Variants in SLC8A1 observed in about 807,000 individuals in gnomAD.
The protein encoded by SLC8A1 is solute carrier family 8 member A1.
SLC8A1 carries 18 observed loss-of-function variants against 68.3 expected under a neutral mutation model. The ratio of observed to expected loss-of-function variants is 0.26; its 90% CI spans 0.18 to 0.39. The LOEUF (loss-of-function observed/expected upper bound fraction) is 0.39. Among genes scored for constraint, SLC8A1 ranks in the 10% least tolerant of loss-of-function variants. The pLI is 1.00. For missense variants in SLC8A1, 985 were observed against 1,156.7 expected, an observed-to-expected ratio of 0.85 and a Z score of 2.15; for synonymous variants, 475 against 415.5, an observed-to-expected ratio of 1.14 and a Z score of -1.74.
chr2:40,460,606 G>T (rs1306167251), intron 1 of SLC8A1, among the ~76,000 whole-genome samples: 1 of 149,320 alleles, frequency 6.7e-6, no homozygotes, highest in African/African-American at 2.5e-5. Context: ...TTGAGACAGA[G>T]TCTCGCCCTG....
exon 8 of SLC8A1, chr2:40,115,126 T>G (rs1252835046): frequency 3.0e-6 from 2 of 662,106 alleles, no homozygotes; most frequent in Admixed American, 3.7e-5. Flanking sequence ...GTACAGAGTA[T>G]GCTCTTGAAG....
At chr2:40,429,256 A>G (rs1016364954) in exon 2 of SLC8A1, 5 of 1,613,826 alleles carry the variant, frequency 3.1e-6, no homozygotes, top group Middle Eastern at 1.7e-4. Flanking sequence ...TAATTGCTCT[A>G]TTTCTTTATC....
chr2:40,500,769 C>G (rs1359267447), intron 1 of SLC8A1, among the ~76,000 whole-genome samples: 1 of 132,984 alleles, frequency 7.5e-6, no homozygotes, highest in African/African-American at 2.8e-5. Context: ...GACACTGAAC[C>G]TATAAGGTAA....
rs144638966 is a variant in SLC8A1, at chr2:40,420,290, G to C, written c.1808+8183C>G. Among the ~76,000 whole-genome samples the C allele has an allele frequency of 5.1e-3, 779 of 151,640 alleles. 6 individuals are homozygous for C. The highest frequency in any genetic ancestry group is 0.018 in the African/African-American group (732 of 41,376). Reference sequence around the variant, plus strand: ...TATGTTTTAACCTCTTTTTAGTGCTGACACAAGGTAATAGCATCCCCTGAT... The same window carrying C: ...TATGTTTTAACCTCTTTTTAGTGCTCACACAAGGTAATAGCATCCCCTGAT... On this transcript the variant is annotated intron_variant, in intron 2 of 7. Coordinates refer to ENST00000406785, the Ensembl canonical transcript of SLC8A1.
intron 7 of SLC8A1, chr2:40,117,051 A>G (rs2035595227): frequency 6.6e-6 from 1 of 152,198 alleles, no homozygotes. Context: ...GTGAAATACT[A>G]CATGTAAATA....
intron 2 of SLC8A1, among the ~76,000 whole-genome samples, chr2:40,298,753 G>T (rs2070888287): frequency 6.6e-6 from 1 of 152,168 alleles, no homozygotes; most frequent in Admixed American, 6.5e-5. Flanking sequence ...GCAGAAAACT[G>T]TAAAAGCTTA....
chr2:40,441,735 C>A (rs1370428340), intron 1 of SLC8A1, among the ~76,000 whole-genome samples: 3 of 151,892 alleles, frequency 2.0e-5, no homozygotes, highest in Non-Finnish European at 4.4e-5. Flanking sequence ...TGAAACTGGA[C>A]CCCTTCCCTA....
chr2:40,292,278 C>G (rs1463500039), intron 2 of SLC8A1, among the ~76,000 whole-genome samples: 1 of 152,108 alleles, frequency 6.6e-6, no homozygotes, highest in Non-Finnish European at 1.5e-5. Flanking sequence ...GAGAAGCCAT[C>G]AAAAGCCTAC....
At chr2:40,300,405 T>TC (rs10673829) in intron 2 of SLC8A1, among the ~76,000 whole-genome samples, 1 of 151,972 alleles carries the variant, frequency 6.6e-6, no homozygotes, top group Non-Finnish European at 1.5e-5. Flanking sequence ...CTTCACTGCT[T>TC]TAGAAGTTCG....
intron 2 of SLC8A1, among the ~76,000 whole-genome samples, chr2:40,399,298 C>T (rs935605982): frequency 6.6e-6 from 1 of 150,694 alleles, no homozygotes; most frequent in African/African-American, 2.4e-5. Context: ...TTTGTGAGGG[C>T]CTCCTCTACC....
chr2:40,299,392 T>A (rs1407621494), intron 2 of SLC8A1, among the ~76,000 whole-genome samples: 1 of 152,210 alleles, frequency 6.6e-6, no homozygotes, highest in Admixed American at 6.5e-5. Flanking sequence ...CAGACTCTCC[T>A]CCTTTCTTGA....
At chr2:40,454,678 G>T (rs1200581830), upstream of SLC8A1, among the ~76,000 whole-genome samples, 1 of 152,100 alleles carries the variant, frequency 6.6e-6, no homozygotes, top group Non-Finnish European at 1.5e-5. Context: ...CATCCTTTTT[G>T]GTTCAGTCAG....
At chr2:40,351,430 C>G (rs1238958967) in intron 2 of SLC8A1, among the ~76,000 whole-genome samples, 1 of 150,164 alleles carries the variant, frequency 6.7e-6, no homozygotes, top group East Asian at 1.9e-4. Context: ...GGAGACCATA[C>G]CAATCACTAG....
At chr2:40,191,505 T>A (rs541916989) in intron 2 of SLC8A1, among the ~76,000 whole-genome samples, 8 of 152,326 alleles carry the variant, frequency 5.3e-5, no homozygotes, top group South Asian at 4.1e-4. Context: ...CTTTATTGGG[T>A]TTAAACTAAA....
At chr2:40,385,237 C>T (rs990467146) in intron 2 of SLC8A1, among the ~76,000 whole-genome samples, 3 of 151,968 alleles carry the variant, frequency 2.0e-5, no homozygotes, top group African/African-American at 4.8e-5. Context: ...ATCCTAGTCT[C>T]GAGGAGGAAA....
intron 1 of SLC8A1, among the ~76,000 whole-genome samples, chr2:40,505,244 G>C (rs1215016425): frequency 4.6e-5 from 7 of 151,860 alleles, no homozygotes; most frequent in Admixed American, 4.6e-4. Context: ...TACAAAAATA[G>C]TTAGAAAGAA....
intron 2 of SLC8A1, among the ~76,000 whole-genome samples, chr2:40,427,506 C>CCCT (rs1697190445): frequency 6.6e-6 from 1 of 152,004 alleles, no homozygotes; most frequent in Non-Finnish European, 1.5e-5. Context: ...CTCCCTCTCT[C>CCCT]CCTCCCTCCT....
In SLC8A1 at chr2:40,187,526, G is replaced by C. The variant is rs72937290; in HGVS notation, c.1809-9671C>G. Among the ~76,000 whole-genome samples the C allele has an allele frequency of 8.1e-3, 1,236 of 152,256 alleles. 19 individuals carry two copies. The highest frequency in any genetic ancestry group is 0.029 in the African/African-American group (1,195 of 41,538). ...AGCTTTAGAGAGTTCTGGAGTTGGG[G>C]TTTTCTAACATAACCTTGCCCTATT... On this transcript the variant is annotated intron_variant, in intron 2 of 7. Coordinates refer to ENST00000406785, the Ensembl canonical transcript of SLC8A1.
intron 4 of SLC8A1, among the ~76,000 whole-genome samples, chr2:40,171,805 A>G (rs1042815942): frequency 2.0e-5 from 3 of 152,236 alleles, no homozygotes; most frequent in African/African-American, 7.2e-5. Flanking sequence ...ACCTTGTCGT[A>G]TGACTGGAAG....
Sources: allele counts gnomAD v4.1 joint callset (sites outside exome capture counted in the v4.1 genomes callset), GRCh38; gene constraint gnomAD v4.1.1; transcripts MANE v1.5; gene names NCBI Gene and HGNC (gene_info 2026-07-23, HGNC 2026-07-21).